The following KIAA1217 variants were observed in gnomAD, a reference collection of about 807,000 sequenced individuals.
The protein encoded by KIAA1217 is KIAA1217, also known as sickle tail protein homolog.
Under a neutral mutation model 163.9 loss-of-function variants are expected in KIAA1217, and 88 were observed. That is an observed-to-expected ratio of 0.54 (90% CI 0.45 to 0.64). The LOEUF (loss-of-function observed/expected upper bound fraction) is 0.64. Among genes scored for constraint, KIAA1217 ranks in the 30% least tolerant of loss-of-function variants. KIAA1217 has a pLI of 0.00. For missense variants in KIAA1217, 2,372 were observed against 2,475.0 expected, an observed-to-expected ratio of 0.96 and a Z score of 0.88; for synonymous variants, 903 against 923.1, an observed-to-expected ratio of 0.98 and a Z score of 0.39.
At chr10:24,410,430 C>T (rs2057667017) in intron 3 of KIAA1217, among the ~76,000 whole-genome samples, 1 of 152,230 alleles carries the variant, frequency 6.6e-6, no homozygotes, top group Non-Finnish European at 1.5e-5. Context: ...TTCTGCAAAT[C>T]TTGACTGCAG....
Position 24,473,393 on chromosome 10 carries a change from A to G in KIAA1217, c.1012A>G (p.Met338Val). The G allele has an allele frequency of 6.2e-7, 1 of 1,613,520 alleles. No individual in the cohort carries two copies. The highest frequency in any genetic ancestry group is 8.5e-7 in the Non-Finnish European group (1 of 1,179,748). The change falls in exon 6 of 21, where the codon ATG becomes GTG. Residue 338 changes from methionine (M) to valine (V), a missense_variant. Physicochemically the swap from Met to Val is conservative, Grantham distance 21 (BLOSUM62 1). This residue lies in a region of KIAA1217 where 1,431 missense variants were observed against 1,470.3 expected (regional missense o/e 0.97). Transcript: ENST00000376454. ...AATTCCTTATGGGGGCACCCGCTCC[A>G]TGGTTGTTCCTGGCAATGCCACCAT... ...SRIPYGGTRS[M>V]VVPGNATIPR... is the part of the protein sequence containing the mutation.
intron 2 of KIAA1217, among the ~76,000 whole-genome samples, chr10:24,245,310 G>A (rs1358975392): frequency 1.3e-5 from 2 of 152,188 alleles, no homozygotes; most frequent in Non-Finnish European, 1.5e-5. Flanking sequence ...CCTCGGAGCT[G>A]TGGTCTCCGC....
chr10:24,527,254 G>C (rs189084955), intron 13 of KIAA1217, among the ~76,000 whole-genome samples: 6 of 151,718 alleles, frequency 4.0e-5, no homozygotes, highest in East Asian at 2.0e-4. Context: ...TCTTAGTGTT[G>C]TGGGTTTTGT....
intron 2 of KIAA1217, among the ~76,000 whole-genome samples, chr10:24,174,114 G>A (rs919340800): frequency 2.0e-5 from 3 of 152,170 alleles, no homozygotes; most frequent in African/African-American, 7.2e-5. Context: ...GTCTCAGCAG[G>A]GGTAAGACAA....
Position 24,543,942 on chromosome 10 carries a change from G to T in KIAA1217, c.4672G>T (p.Gly1558Cys). Residue 1558 changes from glycine to cysteine, a missense_variant, in exon 19 of 21, where the codon GGT becomes TGT. By Grantham distance (159) the Gly-to-Cys change is radical. Transcript: ENST00000376454. ...HVDSPNSECK[G>C]EDATDDQFES... ...GGATTCTCCAAATTCGGAATGCAAG[G>T]GTGAGGACGCGACCGATGACCAGTT... 1 of 1,613,936 alleles carries T rather than the reference G, an allele frequency of 6.2e-7. No individual in the cohort carries two copies. Among genetic ancestry groups the T allele is most frequent in the Non-Finnish European group, 8.5e-7 (1 of 1,180,028 alleles).
chr10:23,709,478 G>A (rs1414304401), intron 1 of KIAA1217, among the ~76,000 whole-genome samples: 1 of 151,666 alleles, frequency 6.6e-6, no homozygotes, highest in African/African-American at 2.4e-5. Context: ...GCAGTGTGCA[G>A]AGAGCATGCC....
At chr10:24,015,147 G>A (rs1847417518) in intron 2 of KIAA1217, among the ~76,000 whole-genome samples, 1 of 152,034 alleles carries the variant, frequency 6.6e-6, no homozygotes, top group Non-Finnish European at 1.5e-5. Context: ...AAGAAATGTT[G>A]AGGACAACAA....
chr10:24,124,898 A>G (rs571816116), intron 2 of KIAA1217, among the ~76,000 whole-genome samples: 439 of 152,202 alleles, frequency 2.9e-3, no homozygotes, highest in Non-Finnish European at 4.4e-3. Context: ...GCCTCATAGG[A>G]TGAGTTAGGA....
chr10:24,124,823 C>T (rs2063409383), intron 2 of KIAA1217, among the ~76,000 whole-genome samples: 1 of 152,118 alleles, frequency 6.6e-6, no homozygotes, highest in Non-Finnish European at 1.5e-5. Context: ...ATTTAGTTTG[C>T]TAACATTTCT....
intron 3 of KIAA1217, among the ~76,000 whole-genome samples, chr10:24,382,833 GTTTTT>G: frequency 8.0e-6 from 1 of 124,936 alleles, no homozygotes; most frequent in African/African-American, 4.4e-5. Flanking sequence ...GAAATTTGTG[GTTTTT>G]CTTTTCTTTT....
At chr10:24,147,832 C>CAA (rs1176106711) in intron 2 of KIAA1217, among the ~76,000 whole-genome samples, 536 of 20,736 alleles carry the variant, frequency 0.026, 54 homozygotes, top group East Asian at 0.039. Flanking sequence ...TACTCTGTCT[C>CAA]AAAAAAAAAA....
chr10:24,129,280 A>T (rs908100633), intron 2 of KIAA1217, among the ~76,000 whole-genome samples: 4 of 152,130 alleles, frequency 2.6e-5, no homozygotes, highest in Non-Finnish European at 2.9e-5. Context: ...TATAGTCATT[A>T]CCTGTTATTT....
At position 24,543,468 on chromosome 10, in the gene KIAA1217, G is replaced by T. The variant is rs768943038; in HGVS notation, c.4198G>T (p.Val1400Leu). The stretch of plus-strand genomic sequence containing the variant: ...TGTCCAGGTTCTTTCCAGTGGGGAG[G>T]TGCATGATATTGTTAGCCAAAAGGG... ...TTVQVLSSGEVHDIVSQKGED... is the reference protein window; with the variant it reads ...TTVQVLSSGELHDIVSQKGED... Residue 1400 changes from valine (V) to leucine (L), a missense_variant, in exon 19 of 21, where the codon GTG (valine) becomes TTG (leucine). Physicochemically the swap from Val to Leu is conservative, Grantham distance 32. Around this residue, in one of 3 missense-constraint regions of KIAA1217, gnomAD observed 690 missense variants for 677.5 expected, o/e 1.02. Transcript: ENST00000376454. 1 of 1,614,114 alleles carries T rather than the reference G, an allele frequency of 6.2e-7. No homozygotes were observed. The highest frequency in any genetic ancestry group is 8.5e-7 in the Non-Finnish European group (1 of 1,180,024).
chr10:23,853,257 A>T (rs1277116565), intron 1 of KIAA1217, among the ~76,000 whole-genome samples: 3 of 152,184 alleles, frequency 2.0e-5, no homozygotes, highest in Non-Finnish European at 2.9e-5. Flanking sequence ...CCTTTTGTGC[A>T]TCTATTGAGA....
intron 2 of KIAA1217, among the ~76,000 whole-genome samples, chr10:24,082,458 C>T (rs1310641501): frequency 2.0e-5 from 3 of 152,018 alleles, no homozygotes; most frequent in South Asian, 2.1e-4. Flanking sequence ...CATGTGTTCT[C>T]GTGTTCAGCT....
chr10:24,209,279 A>G lies in KIAA1217; in HGVS notation c.70+16A>G. 6.2e-7 allele frequency: 1 copy of G among 1,602,800 alleles called. No individual in the cohort carries two copies. The highest frequency in any genetic ancestry group is 8.5e-7 in the Non-Finnish European group (1 of 1,170,700). Reference sequence around the variant, plus strand: ...CAGATGCAGGGTAAGTAACAGACCCATTCAAAGATGGAGTTACAGGGACGC... The same window carrying G: ...CAGATGCAGGGTAAGTAACAGACCCGTTCAAAGATGGAGTTACAGGGACGC... On this transcript the variant is annotated intron_variant, in intron 1 of 20. Transcript: ENST00000376454.
At chr10:24,056,202 G>C (rs567125348) in intron 2 of KIAA1217, among the ~76,000 whole-genome samples, 1 of 152,142 alleles carries the variant, frequency 6.6e-6, no homozygotes, top group East Asian at 1.9e-4. Flanking sequence ...AATTAAATTG[G>C]GTGTAGTTCC....
At chr10:24,454,952 AG>A (rs1374766057) in intron 5 of KIAA1217, among the ~76,000 whole-genome samples, 3 of 152,168 alleles carry the variant, frequency 2.0e-5, no homozygotes, top group African/African-American at 7.2e-5. Context: ...AATTTGTTGC[AG>A]ATTTTACTGT....
At chr10:23,945,126 C>T (rs1843963115) in intron 1 of KIAA1217, among the ~76,000 whole-genome samples, 1 of 150,310 alleles carries the variant, frequency 6.7e-6, no homozygotes, top group Non-Finnish European at 1.5e-5. Context: ...AAATATTTGA[C>T]AACAACACAC....
Sources: allele counts gnomAD v4.1 joint callset (sites outside exome capture counted in the v4.1 genomes callset), GRCh38; gene constraint gnomAD v4.1.1; regional missense constraint gnomAD v4.1.1; transcripts MANE v1.5; gene names NCBI Gene and HGNC (gene_info 2026-07-23, HGNC 2026-07-21).